The following DGKI variants were observed in gnomAD, a reference collection of about 807,000 sequenced individuals.
DGKI encodes DAG kinase iota.
Under a neutral mutation model 147.5 loss-of-function variants are expected in DGKI, and 55 were observed. The observed-to-expected ratio is 0.37, with a 90% CI of 0.30 to 0.47. The LOEUF (loss-of-function observed/expected upper bound fraction) is 0.47, where lower values mean the gene tolerates loss of function less well. Ranked by LOEUF, DGKI falls within the 20% of genes least tolerant of loss-of-function variation. The pLI is 1.00. For synonymous variants in DGKI, 469 were observed against 477.1 expected, an observed-to-expected ratio of 0.98 and a Z score of 0.22; for missense variants, 1,007 against 1,323.8, an observed-to-expected ratio of 0.76 and a Z score of 3.71.
chr7:137,585,199 ACT>A lies in DGKI; in HGVS notation c.1563+8_1563+9del, dbSNP rs763486953. The A allele has an allele frequency of 1.7e-5, 27 of 1,613,556 alleles. No homozygotes were observed. The highest frequency in any genetic ancestry group is 1.3e-4 in the East Asian group (6 of 44,886). On this transcript the variant is annotated splice_region_variant and intron_variant, in intron 14 of 32. Coordinates refer to ENST00000614521, the MANE Select transcript of DGKI (RefSeq NM_001321708.2). ...AGGGCTCCTTTCTGCAGAACAAAAA[ACT>A]CTCTAACCTTACATACGCCATCTTC... is the stretch of plus-strand genomic sequence containing the variant.
intron 1 of DGKI, among the ~76,000 whole-genome samples, chr7:137,774,158 T>C (rs866897755): frequency 1.3e-5 from 2 of 152,336 alleles, no homozygotes; most frequent in South Asian, 2.1e-4. Context: ...TATAATTTTA[T>C]ATAATTTTAA....
chr7:137,551,539 AT>A (rs1480572323), intron 20 of DGKI, among the ~76,000 whole-genome samples: 1 of 152,210 alleles, frequency 6.6e-6, no homozygotes, highest in Non-Finnish European at 1.5e-5. Context: ...AAGTCCTGAA[AT>A]GGCCTTAAGC....
At chr7:137,444,054 TA>T in intron 28 of DGKI, 22 bp downstream of exon 28, 2 of 1,551,786 alleles carry the variant, frequency 1.3e-6, no homozygotes, top group South Asian at 2.5e-5. Context: ...TGAATTGGTA[TA>T]AATAAGACAG....
chr7:137,836,281 A>G (rs895062462), intron 1 of DGKI, among the ~76,000 whole-genome samples: 1 of 152,220 alleles, frequency 6.6e-6, no homozygotes, highest in Non-Finnish European at 1.5e-5. Flanking sequence ...TCTTCAAATG[A>G]GAAAGAATGA....
intron 31 of DGKI, among the ~76,000 whole-genome samples, chr7:137,396,479 G>C (rs1234949477): frequency 6.6e-6 from 1 of 152,198 alleles, no homozygotes; most frequent in Non-Finnish European, 1.5e-5. Context: ...AGTGTTTCAG[G>C]AAAAATCAAT....
intron 1 of DGKI, among the ~76,000 whole-genome samples, chr7:137,741,752 C>T (rs1795178309): frequency 6.6e-6 from 1 of 152,168 alleles, no homozygotes; most frequent in Non-Finnish European, 1.5e-5. Flanking sequence ...ATAATTCTCT[C>T]AACAAATTTG....
intron 6 of DGKI, among the ~76,000 whole-genome samples, chr7:137,643,654 A>G (rs964433455): frequency 5.9e-5 from 9 of 152,216 alleles, no homozygotes; most frequent in Non-Finnish European, 1.2e-4. Context: ...AGCTGTGCTC[A>G]TGGCATGATG....
chr7:137,467,962 C>A lies in DGKI; in HGVS notation c.2444-1020G>T, dbSNP rs376016686. On this transcript the variant is annotated intron_variant, in intron 24 of 32. Coordinates refer to ENST00000614521, the MANE Select transcript of DGKI (RefSeq NM_001321708.2). ...TCATGCCACTGCACTTCAGCCTGGG[C>A]AACAGAGTCAGACTCCTATCTCAAA... Among the ~76,000 whole-genome samples the A allele has an allele frequency of 6.3e-3, 897 of 143,076 alleles. 11 individuals carry two copies. The highest frequency in any genetic ancestry group is 0.022 in the African/African-American group (862 of 38,624). 93.9% of individuals were successfully genotyped at this position (143,076 alleles called of 152,430 possible).
chr7:137,612,903 C>G (rs537688955), intron 8 of DGKI, among the ~76,000 whole-genome samples: 32 of 152,296 alleles, frequency 2.1e-4, no homozygotes, highest in African/African-American at 7.2e-4. Context: ...ATTCCAACAG[C>G]AGTCGCCCCC....
chr7:137,557,546 G>A (rs1161712673), intron 19 of DGKI, among the ~76,000 whole-genome samples: 1 of 152,144 alleles, frequency 6.6e-6, no homozygotes, highest in East Asian at 1.9e-4. Flanking sequence ...TCTACCTCAC[G>A]TCATACACAA....
intron 1 of DGKI, chr7:137,722,920 G>C (rs2116624921): frequency 3.1e-6 from 2 of 647,658 alleles, no homozygotes; most frequent in South Asian, 4.1e-5. Flanking sequence ...CATAGTGAGT[G>C]GTGAAGTGCA....
At chr7:137,742,473 A>G (rs1286765951) in intron 1 of DGKI, among the ~76,000 whole-genome samples, 1 of 152,152 alleles carries the variant, frequency 6.6e-6, no homozygotes, top group Non-Finnish European at 1.5e-5. Context: ...ACCCACTGCT[A>G]TGGCCAGATG....
At chr7:137,728,902 T>A (rs1794790355) in intron 1 of DGKI, among the ~76,000 whole-genome samples, 1 of 152,178 alleles carries the variant, frequency 6.6e-6, no homozygotes, top group Non-Finnish European at 1.5e-5. Context: ...TTAGGAAGAA[T>A]AATCTCCTTA....
intron 28 of DGKI, among the ~76,000 whole-genome samples, chr7:137,432,863 G>A (rs1344336476): frequency 6.6e-6 from 1 of 152,186 alleles, no homozygotes; most frequent in Non-Finnish European, 1.5e-5. Context: ...TGTAGTTTTA[G>A]TGGTCTCCAT....
chr7:137,845,649 G>A (rs1265267681), intron 1 of DGKI, among the ~76,000 whole-genome samples: 1 of 152,050 alleles, frequency 6.6e-6, no homozygotes, highest in Non-Finnish European at 1.5e-5. Context: ...CTAATTCCTC[G>A]TTGTTGGATT....
At chr7:137,656,354 C>CTT in intron 4 of DGKI, 112 bp downstream of exon 4, 1 of 1,127,110 alleles carries the variant, frequency 8.9e-7, no homozygotes, top group Non-Finnish European at 1.3e-6. Context: ...GGACTTCCAG[C>CTT]TTTTTTTTAA....
chr7:137,782,935 C>T (rs1199762147), intron 1 of DGKI, among the ~76,000 whole-genome samples: 1 of 152,192 alleles, frequency 6.6e-6, no homozygotes, highest in Non-Finnish European at 1.5e-5. Context: ...AAGGGGAGAA[C>T]ACCACATCAA....
Position 137,652,847 on chromosome 7 carries a change from C to T in DGKI, c.738+1885G>A, listed in dbSNP as rs555749953. On this transcript the variant is annotated intron_variant, in intron 5 of 32. Transcript: ENST00000614521. The stretch of plus-strand genomic sequence containing the variant: ...AATGTTTGTGATTCTCAGATATCTC[C>T]TATTTCCACTCTCCACGTTCATCTA... Among the ~76,000 whole-genome samples the T allele has an allele frequency of 2.8e-4, 42 of 152,302 alleles. No homozygotes were observed. In the South Asian group the frequency reaches 6.6e-3, roughly 24 times the overall value.
rs58290482 is a variant in DGKI at position 137,464,256 on chromosome 7, CAA to C, written c.2613-647_2613-646del. On this transcript the variant is annotated intron_variant, in intron 26 of 32. Transcript: ENST00000614521. The stretch of plus-strand genomic sequence containing the variant: ...TGGGTGACAGAGCGAGACTCCATCT[CAA>C]AAAAAAAAAAAAAAAAAAAAGGAAA... Among the ~76,000 whole-genome samples, 27 of 47,774 alleles carry C rather than the reference CAA, an allele frequency of 5.7e-4. No homozygotes were observed. In the South Asian group the frequency reaches 0.013, roughly 24 times the overall value. The allele number at this position is 47,774 out of a possible 152,430, so 31.3% of individuals were successfully genotyped here. A position where few individuals can be genotyped will look rare whatever the true frequency, so the allele number is the denominator to read the frequency against.
Sources: gnomAD v4.1 joint callset for allele counts (sites outside exome capture counted in the v4.1 genomes callset) on GRCh38, gnomAD v4.1.1 for gene constraint, MANE v1.5 for transcripts, NCBI Gene and HGNC (gene_info 2026-07-23, HGNC 2026-07-21) for gene names.